The following SLC5A12 variants were observed in gnomAD, a reference collection of about 807,000 sequenced individuals.
The protein encoded by SLC5A12 is sodium-coupled monocarboxylate transporter 2.
In SLC5A12, 46 loss-of-function variants were observed where a neutral mutation model predicts 72.7. The ratio of observed to expected loss-of-function variants is 0.63; its 90% confidence interval spans 0.50 to 0.81. The LOEUF (loss-of-function observed/expected upper bound fraction) is 0.81. Ranked by LOEUF, SLC5A12 falls within the 30% of genes least tolerant of loss-of-function variation. The pLI, the probability that SLC5A12 is intolerant of heterozygous loss-of-function variation, is 0.00. For missense variants in SLC5A12, 683 were observed against 740.7 expected (o/e 0.92, Z 0.90); for synonymous variants, 275 against 264.4 (o/e 1.04, Z -0.39).
chr11:26,689,984 C>A (rs1236320942), intron 9 of SLC5A12, among the ~76,000 whole-genome samples: 1 of 151,782 alleles, frequency 6.6e-6, no homozygotes, highest in Non-Finnish European at 1.5e-5. Flanking sequence ...GTTAAGAGAG[C>A]AAAGGGGAGG....
chr11:26,707,661 T>G (rs1260378766), intron 4 of SLC5A12, among the ~76,000 whole-genome samples: 2 of 151,988 alleles, frequency 1.3e-5, no homozygotes, highest in African/African-American at 2.4e-5. Context: ...ACATTCTTTA[T>G]TTATTTCAGT....
chr11:26,675,040 G>A (rs370785336), intron 13 of SLC5A12, among the ~76,000 whole-genome samples: 15 of 152,296 alleles, frequency 9.8e-5, no homozygotes, highest in African/African-American at 3.6e-4. Flanking sequence ...ATGTGTGAGT[G>A]GCTGAGGAGG....
rs1346402246 is a variant in SLC5A12, at chr11:26,681,183, T to A, written c.1347A>T (p.Ser449=). The change falls in exon 12 of 15, where the codon TCA becomes TCT. Residue 449 remains serine, a synonymous_variant. Transcript: ENST00000396005. ...LGGLLTGITL[S]FWVAIGAFIY... The stretch of plus-strand genomic sequence containing the variant: ...TGAAGGCCCCAATGGCCACCCAAAA[T>A]GACAAGGTGATTCCAGTAAGAAGAC... 1 of 1,609,100 alleles carries A rather than the reference T, an allele frequency of 6.2e-7. No homozygotes were observed. The highest frequency in any genetic ancestry group is 1.7e-5 in the Admixed American group (1 of 59,422).
At position 26,686,517 on chromosome 11, in the gene SLC5A12, G is replaced by GCC; in HGVS notation, c.1180_1181insGG (p.Ser394TrpfsTer41). 1 of 1,613,986 alleles carries GCC rather than the reference G, an allele frequency of 6.2e-7. No individual in the cohort carries two copies. The highest frequency in any genetic ancestry group is 8.5e-7 in the Non-Finnish European group (1 of 1,179,928). On this transcript the variant is annotated frameshift_variant, in exon 10 of 15. Coordinates refer to ENST00000396005, the MANE Select transcript of SLC5A12 (RefSeq NM_178498.4). LOFTEE classifies it high-confidence loss of function. The stretch of plus-strand genomic sequence containing the variant: ...CATGACAGATGCAGCCACAGCCATA[G>GCC]AGGTACACATCACGCCAAATAAGAG...
chr11:26,673,089 T>C (rs971504736), intron 14 of SLC5A12, among the ~76,000 whole-genome samples: 3 of 152,142 alleles, frequency 2.0e-5, no homozygotes, highest in African/African-American at 4.8e-5. Flanking sequence ...AGAATGTGTC[T>C]TCAATTTGTT....
chr11:26,697,086 TA>T, intron 8 of SLC5A12, 77 bp downstream of exon 8: 1 of 1,249,340 alleles, frequency 8.0e-7, no homozygotes, highest in Non-Finnish European at 1.2e-6. Context: ...GAGTGCTTGC[TA>T]AATATTGTTG....
intron 10 of SLC5A12, among the ~76,000 whole-genome samples, chr11:26,685,243 A>G (rs950844773): frequency 8.5e-5 from 13 of 152,210 alleles, no homozygotes; most frequent in Non-Finnish European, 5.9e-5. Flanking sequence ...ATTAATGATT[A>G]CTATTCACTT....
intron 1 of SLC5A12, among the ~76,000 whole-genome samples, chr11:26,713,685 A>C (rs1188575487): frequency 6.6e-6 from 1 of 152,106 alleles, no homozygotes; most frequent in African/African-American, 2.4e-5. Context: ...GAATTTGATT[A>C]TCTCTCTGTA....
chr11:26,684,994 C>T (rs114175253), intron 10 of SLC5A12, among the ~76,000 whole-genome samples: 1,630 of 152,214 alleles, frequency 0.011, 28 homozygotes, highest in African/African-American at 0.037. Flanking sequence ...TATCAGAGTG[C>T]TTCAAACATT....
intron 9 of SLC5A12, among the ~76,000 whole-genome samples, chr11:26,687,478 C>G (rs770645567): frequency 2.8e-4 from 42 of 152,124 alleles, no homozygotes; most frequent in Non-Finnish European, 4.7e-4. Flanking sequence ...GAATACCAAC[C>G]ATAGATGAGA....
At chr11:26,710,624 C>CT in intron 3 of SLC5A12, among the ~76,000 whole-genome samples, 1 of 151,920 alleles carries the variant, frequency 6.6e-6, no homozygotes, top group Non-Finnish European at 1.5e-5. Context: ...ACAATCCATG[C>CT]TTTTTTATTC....
intron 13 of SLC5A12, among the ~76,000 whole-genome samples, chr11:26,677,919 A>G (rs1012242073): frequency 6.6e-6 from 1 of 152,160 alleles, no homozygotes; most frequent in African/African-American, 2.4e-5. Context: ...GAGGGACAAG[A>G]GTACAGTGAA....
intron 9 of SLC5A12, among the ~76,000 whole-genome samples, chr11:26,686,898 A>C (rs979811957): frequency 6.6e-6 from 1 of 152,212 alleles, no homozygotes; most frequent in African/African-American, 2.4e-5. Flanking sequence ...ATTCCTGGGC[A>C]ACCACCCTCC....
intron 13 of SLC5A12, among the ~76,000 whole-genome samples, chr11:26,675,113 C>A (rs1047203342): frequency 7.2e-5 from 11 of 152,118 alleles, no homozygotes; most frequent in Non-Finnish European, 1.6e-4. Context: ...TAATTTGGGA[C>A]AAAGCCATTT....
chr11:26,690,977 ATAAAAT>A (rs1364568090), intron 9 of SLC5A12, among the ~76,000 whole-genome samples: 3 of 151,994 alleles, frequency 2.0e-5, no homozygotes, highest in African/African-American at 4.8e-5. Context: ...TTGATCAAAC[ATAAAAT>A]TAAAATTTTC....
chr11:26,674,957 G>C lies in SLC5A12; in HGVS notation c.1580-1428C>G, dbSNP rs1379881536. On this transcript the variant is annotated intron_variant, in intron 13 of 14. Coordinates refer to ENST00000396005, the MANE Select transcript of SLC5A12 (RefSeq NM_178498.4). ...TGAACTTTTCTAGAAGCTAATAAAT[G>C]ATGAAGTATACATTTAGTTAAACAT... Among the ~76,000 whole-genome samples, 6 of 152,258 alleles carry C rather than the reference G, an allele frequency of 3.9e-5. No individual in the cohort carries two copies. The South Asian group carries it at 8.3e-4, about 21-fold the overall frequency.
At position 26,673,499 on chromosome 11, in the gene SLC5A12, A is replaced by C. The variant is rs1314144626; in HGVS notation, c.1610T>G (p.Leu537Arg). 4 of 1,611,108 alleles carry C rather than the reference A, an allele frequency of 2.5e-6. No homozygotes were observed. Among genetic ancestry groups the C allele is most frequent in the Non-Finnish European group, 3.4e-6 (4 of 1,178,662 alleles). Residue 537 changes from leucine to arginine, a missense_variant, in exon 14 of 15, where the codon CTG (leucine) becomes CGG (arginine). By Grantham distance (102) the Leu-to-Arg change is moderately radical (BLOSUM62 -2). Coordinates refer to ENST00000396005, the MANE Select transcript of SLC5A12 (RefSeq NM_178498.4). ...GRQRGEDIQP[L>R]LIRPVCNLFC... ...TAAATTACAAACTGGTCTAATTAAC[A>C]GTGGTTGAATATCCTCACCTCTTTG...
intron 9 of SLC5A12, among the ~76,000 whole-genome samples, chr11:26,690,211 G>T (rs1026738827): frequency 2.0e-5 from 3 of 152,010 alleles, no homozygotes; most frequent in African/African-American, 7.2e-5. Flanking sequence ...AAACTTTAAA[G>T]TTAATTTAAG....
At chr11:26,678,475 G>A (rs951708983) in intron 13 of SLC5A12, among the ~76,000 whole-genome samples, 3 of 151,952 alleles carry the variant, frequency 2.0e-5, no homozygotes, top group Admixed American at 6.6e-5. Context: ...CACCTTCTGG[G>A]TTCAAGCGAT....
Sources: allele counts gnomAD v4.1 joint callset (sites outside exome capture counted in the v4.1 genomes callset), GRCh38; gene constraint gnomAD v4.1.1; transcripts MANE v1.5; gene names NCBI Gene and HGNC (gene_info 2026-07-23, HGNC 2026-07-21).